Variants in NOL7 observed in about 807,000 individuals in gnomAD.
NOL7 encodes the protein U3 small nucleolar RNA-associated protein NOL7.
NOL7 carries 36 observed loss-of-function variants against 38.4 expected under a neutral mutation model. The observed-to-expected ratio is 0.94, with a 90% CI of 0.72 to 1.24. NOL7 has a LOEUF of 1.24. Ranked by LOEUF, NOL7 falls within the 50% of genes most tolerant of loss-of-function variation. The pLI is 0.00. For missense variants in NOL7, 350 were observed against 315.1 expected, an observed-to-expected ratio of 1.11 and a Z score of -0.84; for synonymous variants, 142 against 126.5, an observed-to-expected ratio of 1.12 and a Z score of -0.82.
rs186257862 is a variant in NOL7 at position 13,620,086 on chromosome 6, A to G, written c.501-122A>G. 5.1e-5 allele frequency: 55 copies of G among 1,073,450 alleles called. No individual in the cohort carries two copies. The African/African-American group carries it at 7.0e-4, about 14-fold the overall frequency. The allele number at this position is 1,073,450 out of a possible 1,614,324, so 66.5% of individuals were successfully genotyped here. On this transcript the variant is annotated intron_variant, in intron 5 of 7. Coordinates refer to ENST00000451315, the MANE Select transcript of NOL7 (RefSeq NM_016167.5). Reference sequence around the variant, plus strand: ...GGCAAGTTGCTTGAACCTGGGAGGCAGAAGTTGCAGTGAGCTGAGATCGCG... The same window carrying G: ...GGCAAGTTGCTTGAACCTGGGAGGCGGAAGTTGCAGTGAGCTGAGATCGCG...
intron 8 of NOL7, among the ~76,000 whole-genome samples, chr6:13,630,843 ATT>A (rs879343525): frequency 6.9e-6 from 1 of 144,836 alleles, no homozygotes. Flanking sequence ...TCATTTTTCT[ATT>A]TTTTTTTTTT....
chr6:13,618,423 A>AT (rs1421411277), intron 5 of NOL7, among the ~76,000 whole-genome samples: 1 of 150,196 alleles, frequency 6.7e-6, no homozygotes, highest in East Asian at 2.0e-4. Flanking sequence ...AATTTTTTGT[A>AT]TTTTTAGTAG....
downstream of NOL7, among the ~76,000 whole-genome samples, chr6:13,624,738 C>A (rs1178696376): frequency 6.6e-6 from 1 of 152,110 alleles, no homozygotes; most frequent in Non-Finnish European, 1.5e-5. Context: ...GCACTTGATG[C>A]TCACCCCTGG....
intron 7 of NOL7, 42 bp from the exon 8 acceptor site, chr6:13,620,712 T>C: frequency 7.4e-7 from 1 of 1,357,194 alleles, no homozygotes; most frequent in Non-Finnish European, 1.0e-6. Context: ...TTTTGAATTA[T>C]GTTTTTCTAA....
downstream of NOL7, among the ~76,000 whole-genome samples, chr6:13,623,711 T>C (rs1277378538): frequency 1.3e-5 from 2 of 152,210 alleles, no homozygotes; most frequent in African/African-American, 2.4e-5. Flanking sequence ...CTACATAATA[T>C]AGCATGGTAT....
At chr6:13,622,851 A>G (rs184076689), downstream of NOL7, among the ~76,000 whole-genome samples, 1 of 152,368 alleles carries the variant, frequency 6.6e-6, no homozygotes, top group African/African-American at 2.4e-5. Flanking sequence ...AAGTCAGTTG[A>G]TACTAACTAA....
chr6:13,616,888 A>C (rs948690860), intron 3 of NOL7, among the ~76,000 whole-genome samples: 2 of 152,100 alleles, frequency 1.3e-5, no homozygotes, highest in Admixed American at 6.5e-5. Flanking sequence ...TTTGTCCCAT[A>C]CTTGCCTTAC....
At chr6:13,617,916 G>A in intron 4 of NOL7, 115 bp downstream of exon 4, 1 of 1,102,302 alleles carries the variant, frequency 9.1e-7, no homozygotes, top group African/African-American at 1.6e-5. Flanking sequence ...GCCAAGGTTA[G>A]CTGGGGCCTA....
At position 13,615,339 on chromosome 6, in the gene NOL7, G is replaced by T. The variant is rs868550810; in HGVS notation, c.-20G>T. 3.5e-6 allele frequency: 5 copies of T among 1,448,542 alleles called. No homozygotes were observed. Among genetic ancestry groups the T allele is most frequent in the Middle Eastern group, 2.5e-4 (1 of 3,940 alleles). The allele number at this position is 1,448,542 out of a possible 1,614,324, so 89.7% of individuals were successfully genotyped here. On this transcript the variant is annotated 5_prime_UTR_variant, in exon 1 of 8. Transcript: ENST00000451315. ...GCTGCTTCCGGGTCAGAGGTCAGAC[G>T]GTCTAGCGCTGCGTGGGCCATGGTG...
At chr6:13,625,568 C>T, downstream of NOL7, 2 of 806,670 alleles carry the variant, frequency 2.5e-6, no homozygotes, top group South Asian at 4.3e-5. Context: ...GATGATTTTA[C>T]CAAAGTGTAA....
exon 9 of NOL7, chr6:13,632,427 C>A: frequency 6.2e-7 from 1 of 1,614,002 alleles, no homozygotes; most frequent in South Asian, 1.1e-5. Context: ...GCTGTTCACT[C>A]ATTGCTTGCA....
At position 13,616,479 on chromosome 6, in the gene NOL7, C is replaced by T; in HGVS notation, c.344C>T (p.Pro115Leu). ...FIEQKKRKLL[P>L]DTILEKLTTA... is the part of the protein sequence containing the mutation. ...TTCCAAAAGAAAAGAAAACTCCTTCCAGACACTATTTTGGAGAAGTTAACC... is the reference window on the plus strand; with the variant it reads ...TTCCAAAAGAAAAGAAAACTCCTTCTAGACACTATTTTGGAGAAGTTAACC... Residue 115 changes from proline to leucine, a missense_variant, in exon 3 of 8, where the codon CCA becomes CTA. Physicochemically the swap from Pro to Leu is moderately conservative, Grantham distance 98. Transcript: ENST00000451315. The T allele has an allele frequency of 2.5e-6, 4 of 1,608,170 alleles. No individual in the cohort carries two copies. The highest frequency in any genetic ancestry group is 3.4e-6 in the Non-Finnish European group (4 of 1,177,190).
At chr6:13,623,193 A>G (rs949692143), downstream of NOL7, among the ~76,000 whole-genome samples, 3 of 152,176 alleles carry the variant, frequency 2.0e-5, no homozygotes, top group Non-Finnish European at 4.4e-5. Flanking sequence ...CCAGAGATGG[A>G]AAAAAATGAA....
chr6:13,619,446 AT>A (rs1298744484), intron 5 of NOL7, among the ~76,000 whole-genome samples: 1 of 152,222 alleles, frequency 6.6e-6, no homozygotes, highest in Non-Finnish European at 1.5e-5. Context: ...TTACTTGCAA[AT>A]CGGTGTTTTA....
In NOL7 at chr6:13,615,755, C is replaced by G; in HGVS notation, c.310C>G (p.Leu104Val). Residue 104 changes from leucine (L) to valine (V), a missense_variant, in exon 2 of 8, where the codon CTG becomes GTG. Coordinates refer to ENST00000451315, the MANE Select transcript of NOL7 (RefSeq NM_016167.5). ...LKEKRKRREE[L>V]FIEQKKRKLL... ...GGAGAAGAGGAAGCGACGCGAGGAG[C>G]TGTTCATCGAACAGAAGGTTAGAGG... 1.2e-6 allele frequency: 2 copies of G among 1,613,622 alleles called. No individual in the cohort carries two copies. Among genetic ancestry groups the G allele is most frequent in the Non-Finnish European group, 1.7e-6 (2 of 1,179,794 alleles).
At chr6:13,632,276 A>C (rs1239806452) in intron 8 of NOL7, 21 of 1,332,396 alleles carry the variant, frequency 1.6e-5, no homozygotes, top group Admixed American at 2.3e-5. Context: ...CCAGTTCCCT[A>C]ACAAGAATTT....
At chr6:13,625,622 C>A, downstream of NOL7, 1 of 1,484,748 alleles carries the variant, frequency 6.7e-7, no homozygotes, top group Non-Finnish European at 9.4e-7. Flanking sequence ...GAGAATCTAA[C>A]TGAAATTGTG....
chr6:13,619,480 C>CA (rs1764377962), intron 5 of NOL7, among the ~76,000 whole-genome samples: 1 of 152,170 alleles, frequency 6.6e-6, no homozygotes, highest in Non-Finnish European at 1.5e-5. Flanking sequence ...AATATAGAAA[C>CA]AAATGTAAAG....
intron 8 of NOL7, among the ~76,000 whole-genome samples, chr6:13,629,277 C>A (rs149867387): frequency 6.6e-6 from 1 of 151,940 alleles, no homozygotes; most frequent in African/African-American, 2.4e-5. Context: ...CACCCAGCCT[C>A]GTGTAGTTAT....
Sources: allele counts gnomAD v4.1 joint callset (sites outside exome capture counted in the v4.1 genomes callset), GRCh38; gene constraint gnomAD v4.1.1; transcripts MANE v1.5; gene names NCBI Gene and HGNC (gene_info 2026-07-23, HGNC 2026-07-21).